The following CALHM4 variants were observed in gnomAD, a reference collection of about 807,000 sequenced individuals.
CALHM4 encodes the protein calcium homeostasis modulator protein 4.
CALHM4 carries 16 observed loss-of-function variants against 13.3 expected under a neutral mutation model. The ratio of observed to expected loss-of-function variants is 1.20; its 90% CI spans 0.81 to 1.82. CALHM4 has a LOEUF of 1.82. Ranked by LOEUF, CALHM4 falls within the 40% of genes most tolerant of loss-of-function variation. The pLI is 0.00. For missense variants in CALHM4, 344 were observed against 374.9 expected (o/e 0.92, Z 0.68); for synonymous variants, 127 against 137.1 (o/e 0.93, Z 0.52).
chr6:116,561,072 A>AT lies in CALHM4; in HGVS notation c.*2867dup, dbSNP rs1774570199. On this transcript the variant is annotated 3_prime_UTR_variant, in exon 2 of 2. Transcript: ENST00000368596. ...TTTCTCTGTTCTCAGTCTTCCATTC[A>AT]TTTTTTGTAGAAATTCTAATGCATG... 6.6e-6 allele frequency among the ~76,000 whole-genome samples: 1 copy of AT among 152,134 alleles called. No homozygotes were observed. The highest frequency in any genetic ancestry group is 2.4e-5 in the African/African-American group (1 of 41,422).
At chr6:116,533,168 A>G (rs569707346) in intron 1 of CALHM4, among the ~76,000 whole-genome samples, 2 of 152,324 alleles carry the variant, frequency 1.3e-5, no homozygotes, top group Non-Finnish European at 2.9e-5. Flanking sequence ...TCTTGGCCAC[A>G]GTGTCATTTA....
chr6:116,558,861 T>C lies in CALHM4; in HGVS notation c.*650T>C, dbSNP rs1051680180. ...GCTCTTGAGTTACTGTACTATAACC[T>C]GGGGACAATGATATATTATTTATCA... On this transcript the variant is annotated 3_prime_UTR_variant, in exon 2 of 2. Transcript: ENST00000368596. 3 of 152,226 alleles carry C rather than the reference T, an allele frequency of 2.0e-5. No homozygotes were observed. The highest frequency in any genetic ancestry group is 7.2e-5 in the African/African-American group (3 of 41,448). 9.4% of individuals were successfully genotyped at this position (152,226 alleles called of 1,614,324 possible). A position where few individuals can be genotyped will look rare whatever the true frequency, so the allele number is the denominator to read the frequency against.
rs1774209724 is a variant in CALHM4 at position 116,554,269 on chromosome 6, G to C, written c.476G>C (p.Gly159Ala). 1.3e-6 allele frequency: 2 copies of C among 1,550,564 alleles called. No homozygotes were observed. Among genetic ancestry groups the C allele is most frequent in the Non-Finnish European group, 1.7e-6 (2 of 1,147,004 alleles). Residue 159 changes from glycine (G) to alanine (A), a missense_variant, in exon 1 of 2, where the codon GGG becomes GCG. Transcript: ENST00000368596. ...SASKREEILA[G>A]FPCCRSAPSD... Reference sequence around the variant, plus strand: ...AGCAAACGAGAAGAGATCCTGGCTGGGTTTCCATGTTGCAGATCAGCTCCT... The same window carrying C: ...AGCAAACGAGAAGAGATCCTGGCTGCGTTTCCATGTTGCAGATCAGCTCCT...
chr6:116,547,919 C>A (rs1326375235), intron 2 of CALHM4, among the ~76,000 whole-genome samples: 1 of 152,202 alleles, frequency 6.6e-6, no homozygotes, highest in African/African-American at 2.4e-5. Flanking sequence ...TTGAGCTATG[C>A]CCCTATGCTG....
chr6:116,542,082 C>CA (rs1317666887), intron 1 of CALHM4, among the ~76,000 whole-genome samples: 3 of 151,996 alleles, frequency 2.0e-5, no homozygotes, highest in Non-Finnish European at 4.4e-5. Flanking sequence ...AGCTTTTTCA[C>CA]AAAACAATGC....
intron 2 of CALHM4, chr6:116,545,632 A>C: frequency 1.2e-6 from 1 of 850,702 alleles, no homozygotes. Context: ...GCTTTGAGAC[A>C]GGAGTGCTGC....
chr6:116,548,694 G>A (rs1375030745), intron 2 of CALHM4, among the ~76,000 whole-genome samples: 1 of 152,186 alleles, frequency 6.6e-6, no homozygotes, highest in Non-Finnish European at 1.5e-5. Context: ...TCAGAAGTCA[G>A]AGTGCATTTA....
At chr6:116,534,721 AT>A (rs67025746) in intron 1 of CALHM4, among the ~76,000 whole-genome samples, 4,981 of 152,164 alleles carry the variant, frequency 0.033, 265 homozygotes, top group African/African-American at 0.11. Flanking sequence ...TTGATTTTTT[AT>A]TACTCATCCC....
chr6:116,532,488 G>A (rs1772803875), intron 1 of CALHM4, among the ~76,000 whole-genome samples: 1 of 152,180 alleles, frequency 6.6e-6, no homozygotes, highest in Admixed American at 6.5e-5. Flanking sequence ...CAAATCCCAA[G>A]AATGCTATAA....
At chr6:116,542,809 A>G (rs1160203146) in intron 1 of CALHM4, among the ~76,000 whole-genome samples, 1 of 152,116 alleles carries the variant, frequency 6.6e-6, no homozygotes, top group Non-Finnish European at 1.5e-5. Context: ...TCTTAAAATA[A>G]ACTCTCCCTT....
intron 1 of CALHM4, among the ~76,000 whole-genome samples, chr6:116,534,361 C>A (rs1190780608): frequency 1.3e-5 from 2 of 152,136 alleles, no homozygotes; most frequent in African/African-American, 4.8e-5. Context: ...CATGCTGTCT[C>A]CATTCTAAAG....
At chr6:116,540,306 C>G (rs1367598985) in intron 1 of CALHM4, 17 of 1,499,300 alleles carry the variant, frequency 1.1e-5, no homozygotes, top group Non-Finnish European at 1.5e-5. Flanking sequence ...AACCACCATA[C>G]TCAAAAAGAA....
intron 2 of CALHM4, among the ~76,000 whole-genome samples, chr6:116,547,959 A>G (rs1328204999): frequency 6.6e-6 from 1 of 152,220 alleles, no homozygotes; most frequent in African/African-American, 2.4e-5. Context: ...GCAGCAGAGT[A>G]GACACTTGGG....
At chr6:116,548,539 C>T (rs955405806) in intron 2 of CALHM4, among the ~76,000 whole-genome samples, 1 of 152,084 alleles carries the variant, frequency 6.6e-6, no homozygotes, top group Non-Finnish European at 1.5e-5. Flanking sequence ...TTTTACAATC[C>T]AATAATGTTT....
At position 116,553,939 on chromosome 6, in the gene CALHM4, T is replaced by A; in HGVS notation, c.146T>A (p.Phe49Tyr). The change falls in exon 1 of 2, where the codon TTC (phenylalanine) becomes TAC (tyrosine). Residue 49 changes from phenylalanine (F) to tyrosine (Y), a missense_variant. Phe to Tyr is a conservative substitution (Grantham distance 22). Coordinates refer to ENST00000368596, the MANE Select transcript of CALHM4 (RefSeq NM_001366078.2). ...TGTCCTTGTCAGGTTGGAAAAAATT[T>A]CTATTATGGTTCTGCTTTTCTTGTC... ...FSCPCQVGKN[F>Y]YYGSAFLVIP... is the part of the protein sequence containing the mutation. 6.4e-7 allele frequency: 1 copy of A among 1,550,656 alleles called. No homozygotes were observed. Among genetic ancestry groups the A allele is most frequent in the East Asian group, 2.4e-5 (1 of 40,926 alleles).
At chr6:116,541,710 G>A (rs1270627269) in intron 1 of CALHM4, among the ~76,000 whole-genome samples, 1 of 152,174 alleles carries the variant, frequency 6.6e-6, no homozygotes, top group Non-Finnish European at 1.5e-5. Context: ...AGAAATAGTT[G>A]TATCAGGATT....
chr6:116,535,763 A>T (rs1214735735), intron 1 of CALHM4, among the ~76,000 whole-genome samples: 1 of 152,220 alleles, frequency 6.6e-6, no homozygotes, highest in African/African-American at 2.4e-5. Context: ...TTTTTCTCAG[A>T]ACAGTTACCA....
Position 116,553,764 on chromosome 6 carries a change from A to G in CALHM4, c.-30A>G, listed in dbSNP as rs1396532121. 1.3e-6 allele frequency: 2 copies of G among 1,533,142 alleles called. No homozygotes were observed. The highest frequency in any genetic ancestry group is 2.5e-5 in the East Asian group (1 of 40,806). 95.0% of individuals were successfully genotyped at this position (1,533,142 alleles called of 1,614,324 possible). ...TGGAGTCTAATGATCAGAAAGGGCC[A>G]CAAGCTGATTTGTGTAACAGCTTCC... On this transcript the variant is annotated 5_prime_UTR_variant, in exon 1 of 2. Coordinates refer to ENST00000368596, the MANE Select transcript of CALHM4 (RefSeq NM_001366078.2).
chr6:116,530,598 A>G (rs1772638495), intron 1 of CALHM4, among the ~76,000 whole-genome samples: 1 of 152,176 alleles, frequency 6.6e-6, no homozygotes, highest in Admixed American at 6.5e-5. Flanking sequence ...ACTGTTCTGA[A>G]TAATGTCTGC....
Sources: allele counts gnomAD v4.1 joint callset (sites outside exome capture counted in the v4.1 genomes callset), GRCh38; gene constraint gnomAD v4.1.1; transcripts MANE v1.5; gene names NCBI Gene and HGNC (gene_info 2026-07-23, HGNC 2026-07-21).